The following CFAP92 variants were observed in gnomAD, a reference collection of about 807,000 sequenced individuals.
CFAP92 encodes the protein cilia and flagella associated protein 92 (putative).
In CFAP92, 86 loss-of-function variants were observed where a neutral mutation model predicts 106.3. That is an observed-to-expected ratio of 0.81 (90% CI 0.68 to 0.97). The LOEUF is 0.97. CFAP92 is among the 50% of genes least tolerant of loss of function. The probability of loss-of-function intolerance (pLI) is 0.00; values close to 1 mark genes in which losing one functional copy is unlikely to be tolerated. For synonymous variants in CFAP92, 477 were observed against 506.4 expected (o/e 0.94, Z 0.78); for missense variants, 1,204 against 1,283.8 (o/e 0.94, Z 0.95).
At chr3:129,024,542 A>G in the CFAP92 span, among the ~76,000 whole-genome samples, 2 of 143,620 alleles carry the variant, frequency 1.4e-5, no homozygotes, top group East Asian at 3.9e-4. Context: ...AAAAAAAAGA[A>G]AAAAAAAAAG....
rs762241255 is a variant in CFAP92, at chr3:128,988,815, GA to G, written c.365del (p.Phe122SerfsTer29). The G allele has an allele frequency of 6.2e-7, 1 of 1,613,702 alleles. No individual in the cohort carries two copies. The highest frequency in any genetic ancestry group is 2.2e-5 in the East Asian group (1 of 44,738). On this transcript the variant is annotated frameshift_variant, in exon 3 of 16. Transcript: ENST00000645291. LOFTEE classifies it high-confidence loss of function. Reference sequence around the variant, plus strand: ...TAGGTTCTTCATCGTCCGGCAGAAGGAAATACTCAATGTGGTAAAAACGACG... The same window carrying G: ...TAGGTTCTTCATCGTCCGGCAGAAGGAATACTCAATGTGGTAAAAACGACG... ...KMRRFYHIEY[F>X]LLPDDEEPKK...
chr3:128,941,270 AAAT>A (rs1165104751), intron 10 of CFAP92, among the ~76,000 whole-genome samples: 5 of 152,110 alleles, frequency 3.3e-5, no homozygotes, highest in African/African-American at 7.2e-5. Context: ...ATACCACATT[AAAT>A]AATCTTATCT....
chr3:128,937,254 T>C (rs1377032996), intron 10 of CFAP92, among the ~76,000 whole-genome samples: 1 of 148,660 alleles, frequency 6.7e-6, no homozygotes, highest in Non-Finnish European at 1.5e-5. Flanking sequence ...TGAGCCCTTG[T>C]ACCGCTGCAG....
intron 4 of CFAP92, among the ~76,000 whole-genome samples, chr3:128,982,523 A>G (rs887921055): frequency 6.6e-5 from 10 of 152,178 alleles, no homozygotes; most frequent in Non-Finnish European, 1.2e-4. Context: ...TGTTCACTGG[A>G]GTAGCACGTT....
the CFAP92 span, among the ~76,000 whole-genome samples, chr3:129,012,082 T>C: frequency 6.6e-6 from 1 of 152,228 alleles, no homozygotes; most frequent in Non-Finnish European, 1.5e-5. Flanking sequence ...TGGGGTGGCC[T>C]GAAGTGCCAG....
chr3:128,935,208 GA>G lies in CFAP92; in HGVS notation c.2369del (p.Phe790SerfsTer27). Reference protein sequence around the residue: ...LEAILYHVHLFQPTELLLQQA... With the variant: ...LEAILYHVHLXQPTELLLQQA... ...GCTGCAGCAGCAGCTCCGTGGGCTG[GA>G]AGAGGTGCACGTGGTACAGGATGGC... On this transcript the variant is annotated frameshift_variant, in exon 11 of 16. Coordinates refer to ENST00000645291, the MANE Select transcript of CFAP92 (RefSeq NM_001394090.1). LOFTEE classifies it high-confidence loss of function. The G allele has an allele frequency of 2.6e-6, 4 of 1,536,102 alleles. No homozygotes were observed. Among genetic ancestry groups the G allele is most frequent in the Non-Finnish European group, 3.5e-6 (4 of 1,146,864 alleles).
chr3:128,938,390 T>C (rs559740479), intron 10 of CFAP92, among the ~76,000 whole-genome samples: 10 of 151,692 alleles, frequency 6.6e-5, no homozygotes, highest in Admixed American at 2.0e-4. Flanking sequence ...ATAAAGGACA[T>C]CTACAAAAAC....
intron 12 of CFAP92, among the ~76,000 whole-genome samples, chr3:128,924,432 CTTTTTTTTTTTTT>C (rs71153151): frequency 1.4e-4 from 10 of 69,808 alleles, no homozygotes; most frequent in African/African-American, 3.4e-4. Flanking sequence ...ACGATTGTAT[CTTTTTTTTTTTTT>C]TTTTTTTTTT....
chr3:128,931,386 G>A (rs1407349711), intron 12 of CFAP92, among the ~76,000 whole-genome samples: 1 of 151,476 alleles, frequency 6.6e-6, no homozygotes, highest in African/African-American at 2.4e-5. Context: ...GGCTGGTCTC[G>A]AACTCCTGAG....
At chr3:128,962,925 T>A (rs28832048) in intron 9 of CFAP92, among the ~76,000 whole-genome samples, 5,924 of 152,262 alleles carry the variant, frequency 0.039, 293 homozygotes, top group African/African-American at 0.11. Flanking sequence ...CTTCCTCTAC[T>A]ACCCATTATT....
At chr3:129,023,485 T>C in the CFAP92 span, among the ~76,000 whole-genome samples, 1 of 152,066 alleles carries the variant, frequency 6.6e-6, no homozygotes, top group Non-Finnish European at 1.5e-5. Context: ...CCCGCCACCA[T>C]GCCTGGCTAA....
upstream of CFAP92, among the ~76,000 whole-genome samples, chr3:129,005,793 G>A (rs1164710887): frequency 2.0e-5 from 3 of 152,290 alleles, no homozygotes; most frequent in Non-Finnish European, 4.4e-5. Flanking sequence ...CTCTGGGCCA[G>A]CCTCCTGCAG....
the CFAP92 span, among the ~76,000 whole-genome samples, chr3:129,008,946 C>T: frequency 6.7e-6 from 1 of 150,234 alleles, no homozygotes; most frequent in Non-Finnish European, 1.5e-5. Flanking sequence ...TCTTCAAATC[C>T]CACAAAATAG....
intron 9 of CFAP92, among the ~76,000 whole-genome samples, chr3:128,947,921 T>C (rs557736626): frequency 6.6e-6 from 1 of 152,084 alleles, no homozygotes; most frequent in South Asian, 2.1e-4. Context: ...AAAAAATCCT[T>C]CTGACCAGGG....
intron 15 of CFAP92, among the ~76,000 whole-genome samples, chr3:128,912,265 A>AC (rs2107671035): frequency 6.6e-6 from 1 of 152,178 alleles, no homozygotes; most frequent in African/African-American, 2.4e-5. Context: ...TGCCGGCTCC[A>AC]CCCCATGAGA....
chr3:128,929,300 T>C (rs920469611), intron 12 of CFAP92, among the ~76,000 whole-genome samples: 23 of 152,316 alleles, frequency 1.5e-4, no homozygotes, highest in Admixed American at 1.1e-3. Context: ...AGAACCCTCA[T>C]GCATTGCTGG....
chr3:128,940,521 T>C (rs1378345754), intron 10 of CFAP92, among the ~76,000 whole-genome samples: 1 of 152,226 alleles, frequency 6.6e-6, no homozygotes, highest in Non-Finnish European at 1.5e-5. Context: ...CCCATCCTAA[T>C]GAGTATGAAA....
chr3:128,921,689 GA>G, intron 12 of CFAP92, among the ~76,000 whole-genome samples: 1 of 152,342 alleles, frequency 6.6e-6, no homozygotes, highest in East Asian at 1.9e-4. Flanking sequence ...CCCAGTGTAA[GA>G]AAGGCAATCA....
chr3:128,992,472 G>T (rs550140121), intron 2 of CFAP92, among the ~76,000 whole-genome samples: 2 of 152,198 alleles, frequency 1.3e-5, no homozygotes, highest in African/African-American at 4.8e-5. Context: ...TGAGGCACGA[G>T]AATTGCTTGA....
Sources: allele counts gnomAD v4.1 joint callset (sites outside exome capture counted in the v4.1 genomes callset), GRCh38; gene constraint gnomAD v4.1.1; transcripts MANE v1.5; gene names NCBI Gene and HGNC (gene_info 2026-07-23, HGNC 2026-07-21).